LRBA: variants seen among roughly 807,000 people sequenced by gnomAD.
LRBA encodes the protein LPS responsive beige-like anchor protein.
In LRBA, 176 loss-of-function variants were observed where a neutral mutation model predicts 330.0. The observed-to-expected ratio is 0.53, with a 90% CI of 0.47 to 0.60. The LOEUF (loss-of-function observed/expected upper bound fraction) is 0.60. LRBA is among the 20% of genes least tolerant of loss of function. LRBA has a pLI of 0.00. For synonymous variants in LRBA, 1,230 were observed against 1,193.0 expected (o/e 1.03, Z -0.64); for missense variants, 3,259 against 3,444.8 (o/e 0.95, Z 1.35).
At chr4:150,285,139 A>G (rs1747987675) in intron 54 of LRBA, among the ~76,000 whole-genome samples, 1 of 152,236 alleles carries the variant, frequency 6.6e-6, no homozygotes, top group African/African-American at 2.4e-5. Context: ...TAGACTAATA[A>G]GTATTACATT....
In LRBA at chr4:150,583,731, C is replaced by G. The variant is rs1312183707; in HGVS notation, c.6330+4317G>C. On this transcript the variant is annotated intron_variant, in intron 40 of 56. Coordinates refer to ENST00000651943, the MANE Select transcript of LRBA (RefSeq NM_001364905.1). The surrounding 1 kb of genome is among the most constrained non-coding windows in gnomAD (Gnocchi z 9.8). ...AGAGCGACGCCTGGGTGCTACAGTT[C>G]GGGGAGGCGGAGAACCGCCTGCTGA... The G allele has an allele frequency of 1.9e-6, 3 of 1,613,370 alleles. No individual in the cohort carries two copies. Among genetic ancestry groups the G allele is most frequent in the African/African-American group, 1.3e-5 (1 of 75,040 alleles).
intron 36 of LRBA, among the ~76,000 whole-genome samples, chr4:150,710,546 T>A (rs1786085842): frequency 6.6e-6 from 1 of 151,694 alleles, no homozygotes; most frequent in African/African-American, 2.4e-5. Flanking sequence ...GAAAAAAAAA[T>A]ACTATATTTA....
At chr4:150,933,340 T>C (rs913055634) in intron 2 of LRBA, among the ~76,000 whole-genome samples, 1 of 147,228 alleles carries the variant, frequency 6.8e-6, no homozygotes, top group Non-Finnish European at 1.5e-5. Flanking sequence ...GTGAGTCACC[T>C]GGGCAACAGA....
At chr4:150,511,060 G>A (rs905968833) in intron 40 of LRBA, among the ~76,000 whole-genome samples, 1 of 152,066 alleles carries the variant, frequency 6.6e-6, no homozygotes, top group African/African-American at 2.4e-5. Context: ...GTTTCACCAT[G>A]TTGGCTAGGC....
At chr4:150,619,195 G>A (rs1001106669) in intron 37 of LRBA, among the ~76,000 whole-genome samples, 1 of 152,250 alleles carries the variant, frequency 6.6e-6, no homozygotes, top group African/African-American at 2.4e-5. Context: ...AGTCTTAAAA[G>A]TAATTCAAAA....
At chr4:150,837,225 A>G (rs1254821468) in intron 28 of LRBA, among the ~76,000 whole-genome samples, 1 of 152,164 alleles carries the variant, frequency 6.6e-6, no homozygotes, top group Non-Finnish European at 1.5e-5. Context: ...CTATGTGGTC[A>G]ATTTTGGAAT....
At chr4:150,270,497 G>GAGAC (rs1280703416) in intron 56 of LRBA, among the ~76,000 whole-genome samples, 1 of 152,192 alleles carries the variant, frequency 6.6e-6, no homozygotes, top group Non-Finnish European at 1.5e-5. Context: ...CAAATTCATA[G>GAGAC]AGACAGAAAG....
intron 36 of LRBA, among the ~76,000 whole-genome samples, chr4:150,704,416 T>C (rs1230125770): frequency 1.3e-5 from 2 of 151,858 alleles, no homozygotes; most frequent in Middle Eastern, 3.2e-3. Flanking sequence ...TTCTTTTCTT[T>C]GCTACAGTAT....
At chr4:150,421,758 A>T (rs142680266) in intron 46 of LRBA, among the ~76,000 whole-genome samples, 275 of 152,242 alleles carry the variant, frequency 1.8e-3, no homozygotes, top group African/African-American at 6.4e-3. Flanking sequence ...CACCCCAGGA[A>T]GGTGCAGCTC....
rs372038367 is a variant in LRBA, at chr4:150,900,141, A to G, written c.1832T>C (p.Val611Ala). 29 of 1,612,896 alleles carry G rather than the reference A, an allele frequency of 1.8e-5. No individual in the cohort carries two copies. The highest frequency in any genetic ancestry group is 2.4e-5 in the Non-Finnish European group (28 of 1,179,064). ...GTGCATGATGAGAAGCACTGTTCCA[A>G]CTCTCCGAATGGTGTTATATATGTT... The part of the protein sequence containing the change: ...TVNIYNTIRR[V>A]GTVLLIMHTL... Residue 611 changes from valine to alanine, a missense_variant, in exon 14 of 57, where the codon GTT becomes GCT. Coordinates refer to ENST00000651943, the MANE Select transcript of LRBA (RefSeq NM_001364905.1).
intron 48 of LRBA, among the ~76,000 whole-genome samples, chr4:150,333,523 T>C (rs1464660455): frequency 6.6e-6 from 1 of 152,182 alleles, no homozygotes; most frequent in Non-Finnish European, 1.5e-5. Flanking sequence ...TGTTTAAGCA[T>C]TCCAACAAGA....
At chr4:150,954,038 C>T (rs1443862063) in intron 2 of LRBA, among the ~76,000 whole-genome samples, 2 of 117,112 alleles carry the variant, frequency 1.7e-5, no homozygotes, top group Non-Finnish European at 3.6e-5. Context: ...AGGAGCCTCT[C>T]CGCCCGGCAG....
intron 40 of LRBA, among the ~76,000 whole-genome samples, chr4:150,587,596 T>TCA (rs2126434073): frequency 6.6e-6 from 1 of 152,310 alleles, no homozygotes; most frequent in East Asian, 1.9e-4. Context: ...CAGAGGTATC[T>TCA]CACACACAAA....
chr4:150,935,009 A>AG (rs1443595633), intron 2 of LRBA, among the ~76,000 whole-genome samples: 6 of 45,724 alleles, frequency 1.3e-4, no homozygotes, highest in Non-Finnish European at 4.5e-4. Flanking sequence ...TCTCCATCTC[A>AG]GAAAAAAAAA....
chr4:150,632,228 C>A (rs113748887), intron 37 of LRBA, among the ~76,000 whole-genome samples: 6 of 48,018 alleles, frequency 1.2e-4, no homozygotes, highest in African/African-American at 4.6e-4. Context: ...GAGACTCTGT[C>A]TCAAGGAAAA....
chr4:150,264,697 C>A lies in LRBA; in HGVS notation c.*1025G>T, dbSNP rs1208173051. 1 of 152,622 alleles carries A rather than the reference C, an allele frequency of 6.6e-6. No homozygotes were observed. The highest frequency in any genetic ancestry group is 2.4e-5 in the African/African-American group (1 of 41,450). The allele number at this position is 152,622 out of a possible 1,614,324, so 9.5% of individuals were successfully genotyped here. The stretch of plus-strand genomic sequence containing the variant: ...AAGAATTTATTTATGCAATACAGGC[C>A]TTTTCTCAAATATTTTTCACAGAAT... On this transcript the variant is annotated 3_prime_UTR_variant, in exon 57 of 57. Transcript: ENST00000651943.
intron 52 of LRBA, 80 bp from the exon 53 acceptor site, chr4:150,302,872 G>A (rs1409751605): frequency 1.9e-5 from 19 of 993,996 alleles, no homozygotes; most frequent in South Asian, 4.4e-5. Context: ...GTAAAACAAC[G>A]AAGCTATATG....
At chr4:150,680,061 A>G (rs1301443402) in intron 37 of LRBA, among the ~76,000 whole-genome samples, 1 of 152,194 alleles carries the variant, frequency 6.6e-6, no homozygotes, top group Non-Finnish European at 1.5e-5. Flanking sequence ...TGACCCAAAT[A>G]AACACAATGC....
intron 40 of LRBA, among the ~76,000 whole-genome samples, chr4:150,532,012 T>C (rs773793956): frequency 6.6e-6 from 1 of 152,238 alleles, no homozygotes; most frequent in Non-Finnish European, 1.5e-5. Flanking sequence ...CAACTGTTAA[T>C]TTTCAACAGT....
Sources: gnomAD v4.1 joint callset for allele counts (sites outside exome capture counted in the v4.1 genomes callset) on GRCh38, gnomAD v4.1.1 for gene constraint, Gnocchi (gnomAD v3.1) non-coding constraint, MANE v1.5 for transcripts, NCBI Gene and HGNC (gene_info 2026-07-23, HGNC 2026-07-21) for gene names.